Variants in PSPC1 observed in about 807,000 individuals in gnomAD.
PSPC1 encodes paraspeckle protein 1.
PSPC1 carries 14 observed loss-of-function variants against 51.6 expected under a neutral mutation model. That is an observed-to-expected ratio of 0.27 (90% CI 0.18 to 0.42). The LOEUF (loss-of-function observed/expected upper bound fraction) is 0.42, where lower values mean the gene tolerates loss of function less well. Ranked by LOEUF, PSPC1 falls within the 10% of genes least tolerant of loss-of-function variation. PSPC1 has a pLI of 1.00. For missense variants in PSPC1, 406 were observed against 701.1 expected, an observed-to-expected ratio of 0.58 and a Z score of 4.75; for synonymous variants, 193 against 231.9, an observed-to-expected ratio of 0.83 and a Z score of 1.53.
chr13:19,780,007 T>TG (rs1889746001), intron 1 of PSPC1, among the ~76,000 whole-genome samples: 24 of 72,414 alleles, frequency 3.3e-4, no homozygotes, highest in African/African-American at 1.0e-3. Context: ...GGGAGGGAGG[T>TG]GGGGGGGGTC....
intron 3 of PSPC1, among the ~76,000 whole-genome samples, chr13:19,753,732 T>C (rs1886796078): frequency 6.6e-6 from 1 of 152,050 alleles, no homozygotes; most frequent in Non-Finnish European, 1.5e-5. Flanking sequence ...AAGAAGGCTG[T>C]CACAGAGGGA....
chr13:19,752,875 C>T (rs1593713859), intron 3 of PSPC1, among the ~76,000 whole-genome samples: 1 of 151,992 alleles, frequency 6.6e-6, no homozygotes, highest in East Asian at 1.9e-4. Flanking sequence ...CGTGAGCCAC[C>T]GTGCCCAGCC....
intron 2 of PSPC1, among the ~76,000 whole-genome samples, chr13:19,771,194 G>A (rs542262109): frequency 6.6e-6 from 1 of 152,238 alleles, no homozygotes; most frequent in East Asian, 1.9e-4. Flanking sequence ...CTGGAGTGCA[G>A]TGGCACAATC....
At chr13:19,713,740 T>C (rs372030306) in intron 6 of PSPC1, among the ~76,000 whole-genome samples, 15 of 152,206 alleles carry the variant, frequency 9.9e-5, no homozygotes, top group African/African-American at 3.6e-4. Context: ...TATGACTAAT[T>C]CCCAGAACCA....
intron 4 of PSPC1, among the ~76,000 whole-genome samples, chr13:19,744,421 A>C (rs1378548552): frequency 1.3e-5 from 2 of 152,236 alleles, no homozygotes; most frequent in East Asian, 3.8e-4. Flanking sequence ...TTTTATGTTG[A>C]CTAAATTATA....
intron 1 of PSPC1, among the ~76,000 whole-genome samples, chr13:19,781,078 T>A (rs1169082131): frequency 6.6e-6 from 1 of 150,950 alleles, no homozygotes; most frequent in African/African-American, 2.4e-5. Flanking sequence ...TGGGAGAACT[T>A]CTTGAGCCCA....
At chr13:19,741,478 C>A in intron 5 of PSPC1, 87 bp downstream of exon 5, 2 of 942,960 alleles carry the variant, frequency 2.1e-6, no homozygotes, top group Non-Finnish European at 3.2e-6. Flanking sequence ...TCCTGTGATA[C>A]TCAACTTATA....
intron 6 of PSPC1, among the ~76,000 whole-genome samples, chr13:19,691,410 T>C (rs1355130102): frequency 1.3e-5 from 2 of 152,056 alleles, no homozygotes; most frequent in African/African-American, 4.8e-5. Flanking sequence ...CATGCACCTG[T>C]GGTCCCTACT....
intron 6 of PSPC1, among the ~76,000 whole-genome samples, chr13:19,690,995 G>T (rs1878473732): frequency 6.6e-6 from 1 of 152,036 alleles, no homozygotes; most frequent in African/African-American, 2.4e-5. Context: ...AAGAAGGTAG[G>T]GACAGTGTCT....
intron 2 of PSPC1, among the ~76,000 whole-genome samples, chr13:19,769,539 C>G (rs951256181): frequency 6.7e-6 from 1 of 148,660 alleles, no homozygotes; most frequent in Non-Finnish European, 1.5e-5. Context: ...GGGGACAGAG[C>G]GAGACTCCGT....
In PSPC1 at chr13:19,751,815, C is replaced by T. The variant is rs148893592; in HGVS notation, c.771-348G>A. On this transcript the variant is annotated intron_variant, in intron 3 of 8. Coordinates refer to ENST00000338910, the MANE Select transcript of PSPC1 (RefSeq NM_001354909.2). ...GCTCATGCCTGTAATCCCAGCGCTTCGGGAGGCCGAGGCGGGCAGATCACG... is the reference window on the plus strand; with the variant it reads ...GCTCATGCCTGTAATCCCAGCGCTTTGGGAGGCCGAGGCGGGCAGATCACG... Among the ~76,000 whole-genome samples the T allele has an allele frequency of 2.2e-4, 33 of 152,216 alleles. No individual in the cohort carries two copies. In the East Asian group the frequency reaches 4.2e-3, roughly 20 times the overall value.
intron 4 of PSPC1, among the ~76,000 whole-genome samples, chr13:19,744,977 A>C (rs1373007902): frequency 1.3e-5 from 2 of 152,190 alleles, no homozygotes; most frequent in Non-Finnish European, 2.9e-5. Context: ...CTTATTACTT[A>C]CTAAACCAAA....
chr13:19,703,178 A>G lies in PSPC1; in HGVS notation c.1569T>C (p.Tyr523=), dbSNP rs1410829603. ...ATAGCCAGGAATGAACGAATGTTTA[A>G]TATCTACGACGCTTATTAGGGCCTT... The part of the protein sequence containing the change: ...NFEGPNKRRR[Y] The change falls in exon 9 of 9, where the codon TAT becomes TAC. Residue 523 remains tyrosine (Y), a synonymous_variant. Transcript: ENST00000338910. 5.0e-6 allele frequency: 8 copies of G among 1,613,792 alleles called. No individual in the cohort carries two copies. The highest frequency in any genetic ancestry group is 1.3e-5 in the African/African-American group (1 of 74,922).
intron 6 of PSPC1, among the ~76,000 whole-genome samples, chr13:19,694,135 A>C (rs1280938135): frequency 7.1e-5 from 5 of 70,770 alleles, no homozygotes; most frequent in Admixed American, 2.3e-4. Flanking sequence ...AAAAAAAAAA[A>C]AAAAAAAAAA....
Position 19,782,758 on chromosome 13 carries a change from C to A in PSPC1, c.-1G>T. 1 of 1,543,630 alleles carries A rather than the reference C, an allele frequency of 6.5e-7. No homozygotes were observed. On this transcript the variant is annotated 5_prime_UTR_variant, in exon 1 of 9. Coordinates refer to ENST00000338910, the MANE Select transcript of PSPC1 (RefSeq NM_001354909.2). The surrounding 1 kb of genome is among the most constrained non-coding windows in gnomAD (Gnocchi z 4.5). ...GCTTCAGGTTTCCTCTTAACATCAT[C>A]TTACTGAGTTCGCCTCGGACACCGG...
chr13:19,765,352 T>C (rs1230339815), intron 2 of PSPC1, among the ~76,000 whole-genome samples: 1 of 147,686 alleles, frequency 6.8e-6, no homozygotes, highest in African/African-American at 2.5e-5. Context: ...ATAATTATTA[T>C]TATTATTATT....
chr13:19,711,229 C>CTAGA (rs1428030533), intron 6 of PSPC1, among the ~76,000 whole-genome samples: 1 of 152,172 alleles, frequency 6.6e-6, no homozygotes, highest in Non-Finnish European at 1.5e-5. Flanking sequence ...GCAAAAAAAG[C>CTAGA]TAGACTGAGG....
chr13:19,768,593 A>G (rs1411266037), intron 2 of PSPC1, among the ~76,000 whole-genome samples: 1 of 150,848 alleles, frequency 6.6e-6, no homozygotes, highest in South Asian at 2.1e-4. Flanking sequence ...GCTTGCAGTG[A>G]GCCGAGATCA....
chr13:19,764,969 C>A (rs1473389650), intron 2 of PSPC1, among the ~76,000 whole-genome samples: 1 of 151,690 alleles, frequency 6.6e-6, no homozygotes, highest in Non-Finnish European at 1.5e-5. Context: ...ATTTTTAAAA[C>A]GAAGAATGTG....
Sources: gnomAD v4.1 joint callset for allele counts (sites outside exome capture counted in the v4.1 genomes callset) on GRCh38, gnomAD v4.1.1 for gene constraint, Gnocchi (gnomAD v3.1) non-coding constraint, MANE v1.5 for transcripts, NCBI Gene and HGNC (gene_info 2026-07-23, HGNC 2026-07-21) for gene names.